The following HPSE variants were observed in gnomAD, a reference collection of about 807,000 sequenced individuals.
HPSE encodes endo-glucoronidase.
In HPSE, 48 loss-of-function variants were observed where a neutral mutation model predicts 65.1. That is an observed-to-expected ratio of 0.74 (90% CI 0.58 to 0.94). HPSE has a LOEUF of 0.94. Ranked by LOEUF, HPSE falls within the 40% of genes least tolerant of loss-of-function variation. HPSE has a pLI of 0.00. For missense variants in HPSE, 644 were observed against 637.5 expected (o/e 1.01, Z -0.11); for synonymous variants, 243 against 260.0 (o/e 0.93, Z 0.63).
intron 5 of HPSE, among the ~76,000 whole-genome samples, chr4:83,310,349 C>T (rs1736318597): frequency 7.2e-6 from 1 of 138,232 alleles, no homozygotes; most frequent in South Asian, 2.5e-4. Context: ...GGATTGTCTA[C>T]CAGAGAGAAT....
chr4:83,311,136 C>T (rs6535456), intron 4 of HPSE, among the ~76,000 whole-genome samples: 116,368 of 151,570 alleles, frequency 0.77, 44,731 homozygotes, highest in East Asian at 0.87. Context: ...TAGTAAAGCC[C>T]TGTTCCATGG....
At position 83,293,730 on chromosome 4, in the gene HPSE, C is replaced by G. The variant is rs908616092; in HGVS notation, c.*1614G>C. On this transcript the variant is annotated 3_prime_UTR_variant, in exon 12 of 12. Transcript: ENST00000311412. ...ATTTTAAGTTTACAGAATCTCCTCG[C>G]CTCTGAATTGTCATTAACCATTTTT... The G allele has an allele frequency of 6.6e-6, 1 of 152,198 alleles. No individual in the cohort carries two copies. The highest frequency in any genetic ancestry group is 2.4e-5 in the African/African-American group (1 of 41,430). 9.4% of individuals were successfully genotyped at this position (152,198 alleles called of 1,614,324 possible).
At chr4:83,313,741 T>C (rs1034430304) in intron 3 of HPSE, among the ~76,000 whole-genome samples, 3 of 152,228 alleles carry the variant, frequency 2.0e-5, no homozygotes, top group African/African-American at 4.8e-5. Context: ...TATGATTTAT[T>C]AATTTAAAAT....
chr4:83,318,710 CA>C (rs11392395), intron 3 of HPSE, among the ~76,000 whole-genome samples: 3,024 of 89,756 alleles, frequency 0.034, 35 homozygotes, highest in Non-Finnish European at 0.042. Context: ...GATTCCATCT[CA>C]AAAAAAAAAA....
At chr4:83,322,920 C>A (rs1419302548) in intron 1 of HPSE, among the ~76,000 whole-genome samples, 2 of 150,968 alleles carry the variant, frequency 1.3e-5, no homozygotes, top group African/African-American at 4.9e-5. Flanking sequence ...TCTGCCACAG[C>A]CTCCCAAAAT....
intron 3 of HPSE, among the ~76,000 whole-genome samples, chr4:83,314,293 T>C (rs1158281412): frequency 7.0e-6 from 1 of 143,550 alleles, no homozygotes; most frequent in East Asian, 2.0e-4. Context: ...AAAAAAAAAG[T>C]AAAGAAAAGA....
intron 1 of HPSE, among the ~76,000 whole-genome samples, chr4:83,330,621 A>G (rs2126198596): frequency 6.6e-6 from 1 of 152,374 alleles, no homozygotes; most frequent in South Asian, 2.1e-4. Flanking sequence ...TCTAATATTG[A>G]AAGTTTTTAT....
chr4:83,316,413 T>C (rs1238759736), intron 3 of HPSE, among the ~76,000 whole-genome samples: 2 of 151,986 alleles, frequency 1.3e-5, no homozygotes, highest in East Asian at 1.9e-4. Flanking sequence ...AATTTAAAAC[T>C]TACAATTCAT....
At position 83,326,621 on chromosome 4, in the gene HPSE, C is replaced by G. The variant is rs1049349984; in HGVS notation, c.228-4257G>C. On this transcript the variant is annotated intron_variant, in intron 1 of 11. Transcript: ENST00000311412. The surrounding 1 kb of genome is among the most constrained non-coding windows in gnomAD (Gnocchi z 4.2). The stretch of plus-strand genomic sequence containing the variant: ...CATACAGGCCGGGAATATAGACAGG[C>G]GAGTCCTCAGTAGAAATGTCAGGGA... Among the ~76,000 whole-genome samples, 1 of 152,172 alleles carries G rather than the reference C, an allele frequency of 6.6e-6. No homozygotes were observed. Among genetic ancestry groups the G allele is most frequent in the Admixed American group, 6.5e-5 (1 of 15,276 alleles).
At chr4:83,332,134 C>T (rs1737398212) in intron 1 of HPSE, among the ~76,000 whole-genome samples, 1 of 152,254 alleles carries the variant, frequency 6.6e-6, no homozygotes, top group African/African-American at 2.4e-5. Flanking sequence ...CAGCTTTCGT[C>T]TGCTCAGCTC....
Position 83,308,916 on chromosome 4 carries a change from C to T in HPSE, c.1020G>A (p.Trp340Ter). 6.2e-7 allele frequency: 1 copy of T among 1,614,206 alleles called. No homozygotes were observed. The highest frequency in any genetic ancestry group is 8.5e-7 in the Non-Finnish European group (1 of 1,180,036). Residue 340 changes from tryptophan to a stop codon, truncating the protein, a stop_gained, in exon 8 of 12, where the codon TGG (tryptophan) becomes TGA (stop). Coordinates refer to ENST00000311412, the MANE Select transcript of HPSE (RefSeq NM_001098540.3). LOFTEE classifies it high-confidence loss of function. ...VESTRPGKKV[W>*]LGETSSAYGG... ...CATATGCAGAGCTTGTTTCTCCTAA[C>T]CAGACCTTCTTGCCAGGCCTGGTGC...
chr4:83,314,572 T>C (rs1326062256), intron 3 of HPSE, among the ~76,000 whole-genome samples: 1 of 152,228 alleles, frequency 6.6e-6, no homozygotes, highest in African/African-American at 2.4e-5. Context: ...TTCTGTACTC[T>C]GCTTTTTAAA....
intron 11 of HPSE, among the ~76,000 whole-genome samples, chr4:83,297,391 G>C (rs187296268): frequency 3.5e-5 from 5 of 141,546 alleles, no homozygotes; most frequent in Admixed American, 2.8e-4. Flanking sequence ...CTTAAAACTT[G>C]ATTCTTCCCC....
At position 83,326,516 on chromosome 4, in the gene HPSE, T is replaced by C. The variant is rs967662325; in HGVS notation, c.228-4152A>G. On this transcript the variant is annotated intron_variant, in intron 1 of 11. Coordinates refer to ENST00000311412, the MANE Select transcript of HPSE (RefSeq NM_001098540.3). The surrounding 1 kb of genome is among the most constrained non-coding windows in gnomAD (Gnocchi z 4.2). ...GAAGGGGCACTAAGTTTTGTAGAAT[T>C]TGAGATACCAATGGAACACCAAAAA... Among the ~76,000 whole-genome samples the C allele has an allele frequency of 6.6e-6, 1 of 152,144 alleles. No individual in the cohort carries two copies. Among genetic ancestry groups the C allele is most frequent in the Non-Finnish European group, 1.5e-5 (1 of 68,032 alleles).
intron 4 of HPSE, among the ~76,000 whole-genome samples, chr4:83,311,250 A>G (rs978020749): frequency 2.6e-5 from 4 of 152,184 alleles, no homozygotes; most frequent in African/African-American, 9.6e-5. Context: ...GGCCATAGTG[A>G]GCCATGATCA....
intron 1 of HPSE, among the ~76,000 whole-genome samples, chr4:83,325,368 G>A (rs1737109664): frequency 6.6e-6 from 1 of 152,124 alleles, no homozygotes; most frequent in Non-Finnish European, 1.5e-5. Flanking sequence ...GTTTCACCAT[G>A]TTGGCCAGGC....
At chr4:83,302,750 G>A (rs1313191278) in intron 9 of HPSE, among the ~76,000 whole-genome samples, 1 of 152,162 alleles carries the variant, frequency 6.6e-6, no homozygotes, top group East Asian at 1.9e-4. Flanking sequence ...GAAGTGGGTA[G>A]ATCACTTGAA....
At chr4:83,316,621 A>G (rs1006872488) in intron 3 of HPSE, among the ~76,000 whole-genome samples, 1 of 152,216 alleles carries the variant, frequency 6.6e-6, no homozygotes, top group African/African-American at 2.4e-5. Context: ...TGAGGGGAAC[A>G]GGAGGAGAAG....
chr4:83,306,162 T>G (rs1174829806), intron 9 of HPSE, 41 bp downstream of exon 9: 2 of 1,229,076 alleles, frequency 1.6e-6, no homozygotes, highest in Non-Finnish European at 2.4e-6. Flanking sequence ...GAGTTGACTT[T>G]AATCTACTCC....
Sources: allele counts gnomAD v4.1 joint callset (sites outside exome capture counted in the v4.1 genomes callset), GRCh38; gene constraint gnomAD v4.1.1; non-coding constraint Gnocchi (gnomAD v3.1); transcripts MANE v1.5; gene names NCBI Gene and HGNC (gene_info 2026-07-23, HGNC 2026-07-21).